The following CYBRD1 variants were observed in gnomAD, a reference collection of about 807,000 sequenced individuals.
CYBRD1 encodes the protein plasma membrane ascorbate-dependent reductase CYBRD1.
A neutral mutation model predicts 21.9 loss-of-function variants in CYBRD1; 14 were observed. The observed-to-expected ratio is 0.64, with a 90% CI of 0.42 to 1.00. The LOEUF is 1.00. CYBRD1 is among the 50% of genes least tolerant of loss of function. The probability of loss-of-function intolerance (pLI) is 0.00; values close to 1 mark genes in which losing one functional copy is unlikely to be tolerated. For synonymous variants in CYBRD1, 146 were observed against 136.5 expected, an observed-to-expected ratio of 1.07 and a Z score of -0.48; for missense variants, 328 against 352.5, an observed-to-expected ratio of 0.93 and a Z score of 0.56.
chr2:171,531,971 C>G (rs921597471), intron 1 of CYBRD1, among the ~76,000 whole-genome samples: 1 of 152,158 alleles, frequency 6.6e-6, no homozygotes, highest in Non-Finnish European at 1.5e-5. Context: ...AAAATATCTT[C>G]CAAATCATCT....
At position 171,556,225 on chromosome 2, in the gene CYBRD1, C is replaced by T. The variant is rs1683486028; in HGVS notation, c.*1398C>T. 6.6e-6 allele frequency: 1 copy of T among 152,190 alleles called. No individual in the cohort carries two copies. Among genetic ancestry groups the T allele is most frequent in the African/African-American group, 2.4e-5 (1 of 41,450 alleles). The allele number at this position is 152,190 out of a possible 1,614,324, so 9.4% of individuals were successfully genotyped here. A position where few individuals can be genotyped will look rare whatever the true frequency, so the allele number is the denominator to read the frequency against. On this transcript the variant is annotated 3_prime_UTR_variant, in exon 4 of 4. Coordinates refer to ENST00000321348, the MANE Select transcript of CYBRD1 (RefSeq NM_024843.4). The stretch of plus-strand genomic sequence containing the variant: ...AGGATTTTAGCTGCTGAACAACTTT[C>T]AGTTTGGAGCTAAAAGAGACCTGTC...
intron 2 of CYBRD1, among the ~76,000 whole-genome samples, chr2:171,546,134 T>G (rs1697709987): frequency 6.6e-6 from 1 of 152,210 alleles, no homozygotes; most frequent in Non-Finnish European, 1.5e-5. Context: ...GCACCTGGCT[T>G]CTTCCTTGCT....
At chr2:171,523,326 C>G in intron 1 of CYBRD1, 1 of 370,046 alleles carries the variant, frequency 2.7e-6, no homozygotes, top group South Asian at 2.1e-5. Flanking sequence ...AAGGGGCTGG[C>G]CAAGGGGGGC....
In CYBRD1 at chr2:171,526,318, C is replaced by T. The variant is rs75848560; in HGVS notation, c.193+3580C>T. Among the ~76,000 whole-genome samples the T allele has an allele frequency of 6.3e-3, 954 of 152,072 alleles. 9 individuals carry two copies. The highest frequency in any genetic ancestry group is 0.011 in the East Asian group (57 of 5,162). On this transcript the variant is annotated intron_variant, in intron 1 of 3. Coordinates refer to ENST00000321348, the MANE Select transcript of CYBRD1 (RefSeq NM_024843.4). ...AGAAGCAAAGCTAACATAGAAGTTA[C>T]AAAACAAATCTCCCTCTCCTTCTTT...
chr2:171,522,775 C>T lies in CYBRD1; in HGVS notation c.193+37C>T. The T allele has an allele frequency of 6.2e-7, 1 of 1,611,818 alleles. No individual in the cohort carries two copies. Among genetic ancestry groups the T allele is most frequent in the African/African-American group, 1.3e-5 (1 of 74,998 alleles). ...TCCTGGGGGGGTGCGGGGAGGAAAGCGGGGAGAACGGCGGGGGCAGAGGGT... is the reference window on the plus strand; with the variant it reads ...TCCTGGGGGGGTGCGGGGAGGAAAGTGGGGAGAACGGCGGGGGCAGAGGGT... On this transcript the variant is annotated intron_variant, in intron 1 of 3. Transcript: ENST00000321348. The surrounding 1 kb of genome is among the most constrained non-coding windows in gnomAD (Gnocchi z 4.3).
chr2:171,549,861 A>G (rs919077975), intron 2 of CYBRD1, among the ~76,000 whole-genome samples: 1 of 152,188 alleles, frequency 6.6e-6, no homozygotes, highest in Non-Finnish European at 1.5e-5. Context: ...TATAGTTGGC[A>G]TTTAGTGTGT....
At chr2:171,541,870 T>TC (rs1697639853) in intron 2 of CYBRD1, 77 bp downstream of exon 2, 1 of 1,370,520 alleles carries the variant, frequency 7.3e-7, no homozygotes, top group Non-Finnish European at 1.0e-6. Context: ...TCTTTTTTTT[T>TC]TTTTTTTTTT....
intron 1 of CYBRD1, among the ~76,000 whole-genome samples, chr2:171,536,702 T>C (rs556014864): frequency 3.9e-5 from 6 of 152,350 alleles, no homozygotes; most frequent in African/African-American, 1.4e-4. Flanking sequence ...CCCAAAGTGC[T>C]GGGATTACAA....
upstream of CYBRD1, chr2:171,522,314 G>T (rs1359188375): frequency 1.3e-5 from 20 of 1,527,298 alleles, no homozygotes; most frequent in Non-Finnish European, 1.7e-5. This position sits in a 1 kb window ranked among gnomAD's most constrained non-coding sequence, Gnocchi z 4.3. Flanking sequence ...GGCAATGAGC[G>T]CCCTCGGCGG....
intron 1 of CYBRD1, chr2:171,523,263 A>G (rs1241718332): frequency 2.3e-6 from 1 of 432,868 alleles, no homozygotes; most frequent in Admixed American, 2.7e-5. Flanking sequence ...AGCGGGGAAA[A>G]GATTGCCGGA....
rs1357043974 is a variant in CYBRD1 at position 171,548,783 on chromosome 2, A to AAT, written c.403-4562_403-4561insTA. 3.8e-4 allele frequency among the ~76,000 whole-genome samples: 57 copies of AAT among 151,170 alleles called. 1 individual carries two copies. Among genetic ancestry groups the AAT allele is most frequent in the Admixed American group, 2.0e-4 (3 of 15,196 alleles). ...GCTTACACACACTAAAAAAAAAAAA[A>AAT]AGAAAACAAAAGAAAAGAAAAAAAA... On this transcript the variant is annotated intron_variant, in intron 2 of 3. Transcript: ENST00000321348.
Position 171,522,711 on chromosome 2 carries a change from A to T in CYBRD1, c.166A>T (p.Thr56Ser). The T allele has an allele frequency of 6.2e-7, 1 of 1,613,364 alleles. No homozygotes were observed. Among genetic ancestry groups the T allele is most frequent in the Non-Finnish European group, 8.5e-7 (1 of 1,179,898 alleles). The change falls in exon 1 of 4, where the codon ACC becomes TCC. Residue 56 changes from threonine to serine, a missense_variant. By Grantham distance (58) the Thr-to-Ser change is moderately conservative. Transcript: ENST00000321348. The surrounding 1 kb of genome is among the most constrained non-coding windows in gnomAD (Gnocchi z 4.3). ...EFNWHPVLMV[T>S]GFVFIQGIAI... ...TAACTGGCACCCAGTGCTCATGGTC[A>T]CCGGCTTCGTCTTCATCCAGGGCAT...
intron 2 of CYBRD1, among the ~76,000 whole-genome samples, chr2:171,547,458 T>C (rs1263797624): frequency 6.7e-6 from 1 of 150,268 alleles, no homozygotes; most frequent in Non-Finnish European, 1.5e-5. Flanking sequence ...TTTTGTCTAC[T>C]TCTGCTTTTT....
chr2:171,542,817 G>T (rs1432335826), intron 2 of CYBRD1, among the ~76,000 whole-genome samples: 1 of 152,032 alleles, frequency 6.6e-6, no homozygotes, highest in Non-Finnish European at 1.5e-5. Flanking sequence ...GGAGGCAGAG[G>T]TTACAGTAAG....
intron 1 of CYBRD1, among the ~76,000 whole-genome samples, chr2:171,523,492 G>T (rs562056745): frequency 6.6e-6 from 1 of 152,332 alleles, no homozygotes; most frequent in Non-Finnish European, 1.5e-5. Context: ...AGTGGCGAAA[G>T]TTCCCCCGCG....
intron 1 of CYBRD1, among the ~76,000 whole-genome samples, chr2:171,530,352 G>A (rs774835961): frequency 1.3e-5 from 2 of 152,198 alleles, no homozygotes; most frequent in Non-Finnish European, 2.9e-5. Context: ...TATTGGCATC[G>A]TCATCAGGTA....
At chr2:171,532,875 ATGTG>A (rs10618404) in intron 1 of CYBRD1, among the ~76,000 whole-genome samples, 2,447 of 147,188 alleles carry the variant, frequency 0.017, 42 homozygotes, top group African/African-American at 0.044. Flanking sequence ...CCATTTCACG[ATGTG>A]TGTGTGTGTG....
chr2:171,550,113 T>C (rs759856899), intron 2 of CYBRD1, among the ~76,000 whole-genome samples: 3 of 152,020 alleles, frequency 2.0e-5, no homozygotes, highest in Admixed American at 2.0e-4. Flanking sequence ...TTTTTTGTTG[T>C]TGTTGTTTTT....
At chr2:171,545,631 C>T (rs1311803180) in intron 2 of CYBRD1, among the ~76,000 whole-genome samples, 3 of 150,788 alleles carry the variant, frequency 2.0e-5, no homozygotes, top group Non-Finnish European at 4.4e-5. Flanking sequence ...TCAAATGATC[C>T]ACCCGCCTCG....
Sources: gnomAD v4.1 joint callset for allele counts (sites outside exome capture counted in the v4.1 genomes callset) on GRCh38, gnomAD v4.1.1 for gene constraint, Gnocchi (gnomAD v3.1) non-coding constraint, MANE v1.5 for transcripts, NCBI Gene and HGNC (gene_info 2026-07-23, HGNC 2026-07-21) for gene names.